Variants in CACNB2 observed in about 807,000 individuals in gnomAD.
CACNB2 encodes the protein voltage-dependent L-type calcium channel subunit beta-2.
A neutral mutation model predicts 73.3 loss-of-function variants in CACNB2; 42 were observed. That is an observed-to-expected ratio of 0.57 (90% CI 0.45 to 0.74). The LOEUF is 0.74. CACNB2 is among the 30% of genes least tolerant of loss of function. The probability of loss-of-function intolerance (pLI) is 0.00; values close to 1 mark genes in which losing one functional copy is unlikely to be tolerated. For synonymous variants in CACNB2, 348 were observed against 310.3 expected (o/e 1.12, Z -1.28); for missense variants, 940 against 853.0 (o/e 1.10, Z -1.27).
chr10:18,323,218 C>G (rs1376824331), intron 2 of CACNB2, among the ~76,000 whole-genome samples: 1 of 152,028 alleles, frequency 6.6e-6, no homozygotes, highest in Admixed American at 6.6e-5. Context: ...CTCAGCCTCC[C>G]AAGGTGCTGT....
chr10:18,348,059 A>G (rs2041542423), intron 2 of CACNB2, among the ~76,000 whole-genome samples: 1 of 152,212 alleles, frequency 6.6e-6, no homozygotes, highest in Non-Finnish European at 1.5e-5. Context: ...GCCTCATGAT[A>G]TTGCCCAAAA....
chr10:18,193,412 G>A (rs1401228503), intron 2 of CACNB2, among the ~76,000 whole-genome samples: 1 of 152,116 alleles, frequency 6.6e-6, no homozygotes, highest in Non-Finnish European at 1.5e-5. Flanking sequence ...AGTGCAGGTG[G>A]CTTCTTTTTA....
intron 3 of CACNB2, among the ~76,000 whole-genome samples, chr10:18,484,834 C>T (rs1055656748): frequency 1.3e-5 from 2 of 152,158 alleles, no homozygotes; most frequent in South Asian, 2.1e-4. Context: ...TACACTTGCA[C>T]TTACATATAT....
intron 3 of CACNB2, among the ~76,000 whole-genome samples, chr10:18,484,332 T>G (rs2048946781): frequency 6.6e-6 from 1 of 151,622 alleles, no homozygotes; most frequent in Non-Finnish European, 1.5e-5. Context: ...AGGCAGAGGT[T>G]GCAGTGACCT....
intron 2 of CACNB2, among the ~76,000 whole-genome samples, chr10:18,336,328 G>T (rs750796537): frequency 6.6e-6 from 1 of 152,282 alleles, no homozygotes; most frequent in East Asian, 1.9e-4. Flanking sequence ...ATAAAATGAC[G>T]ACTTAGGGTG....
At chr10:18,242,967 G>A (rs376591422) in intron 2 of CACNB2, among the ~76,000 whole-genome samples, 76 of 146,076 alleles carry the variant, frequency 5.2e-4, no homozygotes, top group Admixed American at 8.3e-4. Context: ...CCGAGATTGC[G>A]CCACTGCACT....
intron 2 of CACNB2, among the ~76,000 whole-genome samples, chr10:18,154,524 G>C (rs1246129780): frequency 6.6e-6 from 1 of 152,058 alleles, no homozygotes; most frequent in African/African-American, 2.4e-5. Flanking sequence ...CTGGAGTGCG[G>C]TGGCCTGATC....
intron 2 of CACNB2, among the ~76,000 whole-genome samples, chr10:18,161,464 T>C (rs1218497066): frequency 6.6e-6 from 1 of 152,156 alleles, no homozygotes; most frequent in African/African-American, 2.4e-5. Context: ...TACCAGCTTT[T>C]CCTTCTTGGA....
chr10:18,280,742 A>G (rs7097680), intron 2 of CACNB2, among the ~76,000 whole-genome samples: 85,163 of 152,054 alleles, frequency 0.56, 24,838 homozygotes, highest in African/African-American at 0.72. Flanking sequence ...CTTCAGCCAC[A>G]TGAAATAAAA....
At chr10:18,186,481 A>G (rs962562155) in intron 2 of CACNB2, among the ~76,000 whole-genome samples, 3 of 152,150 alleles carry the variant, frequency 2.0e-5, no homozygotes, top group African/African-American at 4.8e-5. Flanking sequence ...AAGAAGTTTA[A>G]TTGGCTCACA....
intron 2 of CACNB2, among the ~76,000 whole-genome samples, chr10:18,199,806 T>C (rs534254711): frequency 2.8e-4 from 42 of 152,168 alleles, no homozygotes; most frequent in Non-Finnish European, 5.9e-4. Context: ...GCTATTACAG[T>C]ACTAATAGTT....
At chr10:18,338,675 CTCCT>C (rs753610343) in intron 2 of CACNB2, among the ~76,000 whole-genome samples, 62,433 of 133,764 alleles carry the variant, frequency 0.47, 15,916 homozygotes, top group African/African-American at 0.68. Context: ...TTTTTTCTCT[CTCCT>C]TCCTTCCTTC....
At chr10:18,515,993 A>G (rs1475346526) in intron 7 of CACNB2, among the ~76,000 whole-genome samples, 1 of 152,058 alleles carries the variant, frequency 6.6e-6, no homozygotes, top group Non-Finnish European at 1.5e-5. Flanking sequence ...CAGGTGCATC[A>G]CCTGTGGTCA....
chr10:18,213,841 T>A (rs1252634136), intron 2 of CACNB2, among the ~76,000 whole-genome samples: 1 of 152,206 alleles, frequency 6.6e-6, no homozygotes, highest in Non-Finnish European at 1.5e-5. Context: ...CCTGTAGAAG[T>A]TATTCACATA....
intron 2 of CACNB2, among the ~76,000 whole-genome samples, chr10:18,186,631 G>C (rs1240690835): frequency 6.6e-6 from 1 of 151,980 alleles, no homozygotes; most frequent in Non-Finnish European, 1.5e-5. Flanking sequence ...AGCAAGAGAG[G>C]GTGGAGGGAG....
intron 3 of CACNB2, among the ~76,000 whole-genome samples, chr10:18,487,995 G>A (rs1179903247): frequency 1.3e-5 from 2 of 151,436 alleles, no homozygotes; most frequent in African/African-American, 4.8e-5. Flanking sequence ...TTTTAGTAGA[G>A]ACAGGGTTTC....
rs1280782402 is a variant in CACNB2 at position 18,442,952 on chromosome 10, A to ATATG, written c.333+40912_333+40913insGTAT. Among the ~76,000 whole-genome samples the ATATG allele has an allele frequency of 2.0e-4, 4 of 19,670 alleles. 1 individual carries two copies. Among genetic ancestry groups the ATATG allele is most frequent in the East Asian group, 3.9e-3 (1 of 256 alleles). The allele number at this position is 19,670 out of a possible 152,430, so 12.9% of individuals were successfully genotyped here. A position where few individuals can be genotyped will look rare whatever the true frequency, so the allele number is the denominator to read the frequency against. ...TATATATATATATATGTGTATATAT[A>ATATG]TATATGTATATATATATGTGTATAT... is the stretch of plus-strand genomic sequence containing the variant. On this transcript the variant is annotated intron_variant, in intron 3 of 13. Transcript: ENST00000324631.
chr10:18,254,934 C>G (rs2037222208), intron 2 of CACNB2, among the ~76,000 whole-genome samples: 1 of 152,216 alleles, frequency 6.6e-6, no homozygotes, highest in African/African-American at 2.4e-5. Flanking sequence ...CACTTACCTA[C>G]TTGAATTCCC....
intron 2 of CACNB2, among the ~76,000 whole-genome samples, chr10:18,172,947 G>GTTTTTTTTTTTTTTTTTTT (rs1554765034): frequency 2.0e-5 from 1 of 49,202 alleles, no homozygotes; most frequent in African/African-American, 9.0e-5. Flanking sequence ...TTTAAATGGA[G>GTTTTTTTTTTTTTTTTTTT]TTTTACTCTG....
Sources: gnomAD v4.1 joint callset for allele counts (sites outside exome capture counted in the v4.1 genomes callset) on GRCh38, gnomAD v4.1.1 for gene constraint, MANE v1.5 for transcripts, NCBI Gene and HGNC (gene_info 2026-07-23, HGNC 2026-07-21) for gene names.